Variants in AKAP6 observed in about 807,000 individuals in gnomAD.
AKAP6 encodes A-kinase anchor protein 6.
Under a neutral mutation model 188.5 loss-of-function variants are expected in AKAP6, and 58 were observed. That is an observed-to-expected ratio of 0.31 (90% CI 0.25 to 0.38). AKAP6 has a LOEUF of 0.38. AKAP6 is among the 10% of genes least tolerant of loss of function. The pLI is 1.00. For missense variants in AKAP6, 2,710 were observed against 2,740.0 expected, an observed-to-expected ratio of 0.99 and a Z score of 0.24; for synonymous variants, 989 against 998.6, an observed-to-expected ratio of 0.99 and a Z score of 0.18.
intron 11 of AKAP6, among the ~76,000 whole-genome samples, chr14:32,767,321 A>C (rs552631464): frequency 6.6e-6 from 1 of 152,226 alleles, no homozygotes; most frequent in Admixed American, 6.5e-5. Flanking sequence ...ACCCAAACGA[A>C]AATAACTCCC....
intron 7 of AKAP6, among the ~76,000 whole-genome samples, chr14:32,622,808 A>G (rs771427786): frequency 5.9e-5 from 9 of 152,110 alleles, no homozygotes; most frequent in Non-Finnish European, 1.2e-4. Flanking sequence ...GGATCATAGC[A>G]CCCAAGGTGA....
intron 1 of AKAP6, among the ~76,000 whole-genome samples, chr14:32,335,911 T>C (rs1397825091): frequency 6.6e-6 from 1 of 150,520 alleles, no homozygotes; most frequent in Non-Finnish European, 1.5e-5. Flanking sequence ...TTCGAGGTTA[T>C]ATTACTACAG....
intron 2 of AKAP6, among the ~76,000 whole-genome samples, chr14:32,450,940 A>G (rs912837179): frequency 6.6e-6 from 1 of 152,190 alleles, no homozygotes; most frequent in Admixed American, 6.5e-5. Flanking sequence ...TATATCATTT[A>G]TAATAGTAAA....
chr14:32,615,622 G>T (rs1886543075), intron 7 of AKAP6, among the ~76,000 whole-genome samples: 1 of 116,326 alleles, frequency 8.6e-6, no homozygotes, highest in African/African-American at 4.5e-5. Context: ...TTGAGACAGA[G>T]TCTTGCTCTG....
intron 9 of AKAP6, among the ~76,000 whole-genome samples, chr14:32,722,062 A>T (rs535240501): frequency 1.7e-4 from 26 of 152,126 alleles, no homozygotes; most frequent in Non-Finnish European, 2.9e-4. Flanking sequence ...ACAAATTAAT[A>T]TTTTTTATGC....
intron 2 of AKAP6, among the ~76,000 whole-genome samples, chr14:32,532,293 A>G (rs777641965): frequency 5.1e-4 from 78 of 152,196 alleles, no homozygotes; most frequent in Non-Finnish European, 7.3e-4. Context: ...CTACTTTGGT[A>G]GGTCAGCACT....
chr14:32,365,132 A>G (rs533400691), intron 1 of AKAP6, among the ~76,000 whole-genome samples: 1 of 152,342 alleles, frequency 6.6e-6, no homozygotes, highest in Non-Finnish European at 1.5e-5. Context: ...GACAGGACAC[A>G]GTGCCATATT....
rs374791919 is a variant in AKAP6, at chr14:32,822,461, T to C, written c.4648T>C (p.Phe1550Leu). Residue 1550 changes from phenylalanine (F) to leucine (L), a missense_variant, in exon 13 of 14, where the codon TTC becomes CTC. Around this residue, in one of 2 missense-constraint regions of AKAP6, gnomAD observed 2,473 missense variants for 2,426.1 expected, o/e 1.02. Coordinates refer to ENST00000280979, the MANE Select transcript of AKAP6 (RefSeq NM_004274.5). ...TAAAAGTGGCAATATAGAAAAGACA[T>C]TCACTGGCATGCAGAATGCCAAACA... ...SYKSGNIEKT[F>L]TGMQNAKQLS... 52 of 1,614,058 alleles carry C rather than the reference T, an allele frequency of 3.2e-5. No homozygotes were observed. The African/African-American group carries it at 5.5e-4, about 17-fold the overall frequency.
At chr14:32,450,248 A>T (rs1184693853) in intron 2 of AKAP6, among the ~76,000 whole-genome samples, 1 of 152,164 alleles carries the variant, frequency 6.6e-6, no homozygotes, top group East Asian at 1.9e-4. Flanking sequence ...AGTTCTGATT[A>T]TGATTCTATC....
chr14:32,627,275 C>T (rs752401368), intron 7 of AKAP6, among the ~76,000 whole-genome samples: 4 of 151,924 alleles, frequency 2.6e-5, no homozygotes, highest in Non-Finnish European at 5.9e-5. Flanking sequence ...ATCAGAAAAA[C>T]GAAATAAATG....
At chr14:32,464,351 A>T (rs564192725) in intron 2 of AKAP6, among the ~76,000 whole-genome samples, 14 of 152,336 alleles carry the variant, frequency 9.2e-5, no homozygotes, top group African/African-American at 3.1e-4. Flanking sequence ...CTCAATAAAA[A>T]TACTGGCAAA....
At chr14:32,330,367 C>A (rs1021253713) in intron 1 of AKAP6, among the ~76,000 whole-genome samples, 1 of 151,932 alleles carries the variant, frequency 6.6e-6, no homozygotes, top group African/African-American at 2.4e-5. Flanking sequence ...TTTTAGGCAT[C>A]TTTATTATTA....
At chr14:32,345,408 G>A (rs1887035346) in intron 1 of AKAP6, among the ~76,000 whole-genome samples, 2 of 152,204 alleles carry the variant, frequency 1.3e-5, no homozygotes, top group African/African-American at 2.4e-5. Flanking sequence ...ACATGACTTA[G>A]CAATGAGGGG....
intron 9 of AKAP6, among the ~76,000 whole-genome samples, chr14:32,702,953 C>G (rs575954074): frequency 6.6e-6 from 1 of 152,240 alleles, no homozygotes; most frequent in Non-Finnish European, 1.5e-5. Flanking sequence ...TTTTCCTCAG[C>G]ACTTCAATAA....
chr14:32,416,332 C>T (rs909623305), intron 1 of AKAP6, among the ~76,000 whole-genome samples: 2 of 152,148 alleles, frequency 1.3e-5, no homozygotes, highest in African/African-American at 4.8e-5. Context: ...GCTTATTGGG[C>T]ATTTGTACAT....
At chr14:32,678,186 A>T in intron 7 of AKAP6, 125 bp from the exon 8 acceptor site, 1 of 987,114 alleles carries the variant, frequency 1.0e-6, no homozygotes, top group African/African-American at 1.6e-5. Context: ...TGATCCCATT[A>T]AATCCAACTC....
chr14:32,492,411 T>C (rs1400504139), intron 2 of AKAP6, among the ~76,000 whole-genome samples: 2 of 149,830 alleles, frequency 1.3e-5, no homozygotes, highest in African/African-American at 2.4e-5. Flanking sequence ...TATATATATA[T>C]ATACCTCACA....
chr14:32,610,054 C>T (rs1299316455), intron 7 of AKAP6, among the ~76,000 whole-genome samples: 1 of 152,176 alleles, frequency 6.6e-6, no homozygotes, highest in Non-Finnish European at 1.5e-5. Context: ...GCGGTTAGCA[C>T]TCACAACGGG....
At chr14:32,355,264 G>A (rs1351169100) in intron 1 of AKAP6, among the ~76,000 whole-genome samples, 4 of 152,116 alleles carry the variant, frequency 2.6e-5, no homozygotes, top group African/African-American at 4.8e-5. Context: ...TATAGACCAT[G>A]TCATCCTTGA....
Sources: gnomAD v4.1 joint callset for allele counts (sites outside exome capture counted in the v4.1 genomes callset) on GRCh38, gnomAD v4.1.1 for gene constraint, gnomAD v4.1.1 regional missense constraint, MANE v1.5 for transcripts, NCBI Gene and HGNC (gene_info 2026-07-23, HGNC 2026-07-21) for gene names.